The following RGS8 variants were observed in gnomAD, a reference collection of about 807,000 sequenced individuals.
The protein encoded by RGS8 is regulator of G protein signaling 8.
In RGS8, 8 loss-of-function variants were observed where a neutral mutation model predicts 21.7. The observed-to-expected ratio is 0.37, with a 90% CI of 0.22 to 0.66. RGS8 has a LOEUF of 0.66. RGS8 is among the 30% of genes least tolerant of loss of function. The pLI, the probability that RGS8 is intolerant of heterozygous loss-of-function variation, is 0.59. For missense variants in RGS8, 157 were observed against 217.9 expected (o/e 0.72, Z 1.76); for synonymous variants, 80 against 83.6 (o/e 0.96, Z 0.24).
Position 182,648,314 on chromosome 1 carries a change from G to A in RGS8, c.194-11C>T. 1 of 1,610,944 alleles carries A rather than the reference G, an allele frequency of 6.2e-7. No individual in the cohort carries two copies. Among genetic ancestry groups the A allele is most frequent in the East Asian group, 2.2e-5 (1 of 44,842 alleles). ...ATGCAGCCACCCCATCTGCGGATGT[G>A]GGAGGAAGAAAAGAAGAGAGATAGG... is the stretch of plus-strand genomic sequence containing the variant. On this transcript the variant is annotated splice_polypyrimidine_tract_variant and intron_variant, in intron 5 of 6. Transcript: ENST00000483095.
chr1:182,685,982 G>A (rs1489922679), upstream of RGS8, among the ~76,000 whole-genome samples: 1 of 152,142 alleles, frequency 6.6e-6, no homozygotes, highest in African/African-American at 2.4e-5. Context: ...AAATGCTGGG[G>A]GAGCACGGAG....
At chr1:182,672,907 C>T, upstream of RGS8, 2 of 1,550,270 alleles carry the variant, frequency 1.3e-6, no homozygotes, top group Non-Finnish European at 1.8e-6. Flanking sequence ...CAAGCGTGGT[C>T]CCTGAACCAG....
upstream of RGS8, chr1:182,671,939 C>T (rs183684318): frequency 3.0e-5 from 42 of 1,409,930 alleles, no homozygotes; most frequent in African/African-American, 4.2e-4. Context: ...CAGCCTACAC[C>T]CAGCGGGCGG....
At chr1:182,702,955 G>C in the RGS8 span, among the ~76,000 whole-genome samples, 6 of 152,196 alleles carry the variant, frequency 3.9e-5, no homozygotes, top group African/African-American at 1.4e-4. Flanking sequence ...ACAATGTATA[G>C]GCAATGATAA....
At chr1:182,708,041 C>G in the RGS8 span, among the ~76,000 whole-genome samples, 1 of 152,098 alleles carries the variant, frequency 6.6e-6, no homozygotes. Context: ...CAAAACTCCA[C>G]GAGATAAGTC....
rs531734478 is a variant in RGS8 at position 182,648,722 on chromosome 1, G to A, written c.194-419C>T. On this transcript the variant is annotated intron_variant, in intron 5 of 6. Transcript: ENST00000483095. ...TGCACTCCAATCTGGGCGACAGAGC[G>A]AGACTCCGTCTCAAAAAAAGAAAAA... is the stretch of plus-strand genomic sequence containing the variant. 9.2e-5 allele frequency among the ~76,000 whole-genome samples: 14 copies of A among 151,454 alleles called. No homozygotes were observed. The South Asian group carries it at 1.9e-3, about 20-fold the overall frequency.
chr1:182,727,807 T>G, the RGS8 span, among the ~76,000 whole-genome samples: 1 of 152,208 alleles, frequency 6.6e-6, no homozygotes, highest in Non-Finnish European at 1.5e-5. Context: ...TCCCTATTTA[T>G]TATTCAAAAG....
chr1:182,669,899 C>A, intron 2 of RGS8, 147 bp from the exon 4 acceptor site: 1 of 859,100 alleles, frequency 1.2e-6, no homozygotes. Flanking sequence ...TTAGCAGGGG[C>A]GACAAACCAA....
At chr1:182,649,013 T>C (rs936774945) in intron 5 of RGS8, among the ~76,000 whole-genome samples, 10 of 152,026 alleles carry the variant, frequency 6.6e-5, no homozygotes, top group African/African-American at 2.2e-4. Flanking sequence ...GGTGGGAGAA[T>C]TGCTTGAACC....
the RGS8 span, among the ~76,000 whole-genome samples, chr1:182,689,865 G>A: frequency 6.6e-6 from 1 of 152,192 alleles, no homozygotes; most frequent in Admixed American, 6.5e-5. Context: ...ATCACTCACA[G>A]AGTTTAAATC....
upstream of RGS8, among the ~76,000 whole-genome samples, chr1:182,676,877 C>G (rs1557901228): frequency 6.6e-6 from 1 of 152,214 alleles, no homozygotes; most frequent in Non-Finnish European, 1.5e-5. Context: ...ACTTCAATTT[C>G]CTCATCTGTA....
chr1:182,704,951 T>C, the RGS8 span, among the ~76,000 whole-genome samples: 6 of 152,114 alleles, frequency 3.9e-5, no homozygotes, highest in Non-Finnish European at 8.8e-5. Context: ...CTACTGCAGG[T>C]TGTGACCTGT....
the RGS8 span, among the ~76,000 whole-genome samples, chr1:182,705,941 C>T: frequency 6.6e-6 from 1 of 152,116 alleles, no homozygotes; most frequent in Non-Finnish European, 1.5e-5. Context: ...TTCTGTCCCC[C>T]ACTATCCCTG....
At chr1:182,704,242 C>A in the RGS8 span, among the ~76,000 whole-genome samples, 7 of 152,228 alleles carry the variant, frequency 4.6e-5, no homozygotes, top group African/African-American at 1.4e-4. Flanking sequence ...CACAGAATCA[C>A]TTCCCTGGGT....
chr1:182,723,154 T>C, the RGS8 span, among the ~76,000 whole-genome samples: 6 of 152,194 alleles, frequency 3.9e-5, no homozygotes, highest in Admixed American at 3.9e-4. Context: ...GGGACATTAT[T>C]CAACCAATTA....
At chr1:182,650,309 G>T (rs1662945530) in intron 5 of RGS8, among the ~76,000 whole-genome samples, 1 of 152,294 alleles carries the variant, frequency 6.6e-6, no homozygotes, top group African/African-American at 2.4e-5. Context: ...ATGGATTGCT[G>T]GTGCCATGCT....
the RGS8 span, among the ~76,000 whole-genome samples, chr1:182,733,319 T>G: frequency 3.9e-5 from 6 of 152,252 alleles, no homozygotes; most frequent in Non-Finnish European, 8.8e-5. Flanking sequence ...CCCAGGAAGT[T>G]AATTATCTGG....
At chr1:182,648,038 T>C (rs1662787024) in intron 6 of RGS8, 99 bp downstream of exon 7, 4 of 1,125,228 alleles carry the variant, frequency 3.6e-6, no homozygotes, top group Admixed American at 2.5e-5. Flanking sequence ...CAGTTTAGTA[T>C]AAGAAAGTCC....
At chr1:182,674,912 G>A (rs1663832), upstream of RGS8, among the ~76,000 whole-genome samples, 23 of 151,906 alleles carry the variant, frequency 1.5e-4, no homozygotes, top group Non-Finnish European at 2.8e-4. Flanking sequence ...TGTCCTGCCC[G>A]CCTCTGAACT....
Sources: gnomAD v4.1 joint callset for allele counts (sites outside exome capture counted in the v4.1 genomes callset) on GRCh38, gnomAD v4.1.1 for gene constraint, MANE v1.5 for transcripts, NCBI Gene and HGNC (gene_info 2026-07-23, HGNC 2026-07-21) for gene names.